Variants in MAP3K4 observed in about 807,000 individuals in gnomAD.
MAP3K4 encodes mitogen-activated protein kinase kinase kinase 4, also known as MAP three kinase 1.
MAP3K4 carries 67 observed loss-of-function variants against 185.6 expected under a neutral mutation model. The ratio of observed to expected loss-of-function variants is 0.36; its 90% CI spans 0.30 to 0.44. The LOEUF (loss-of-function observed/expected upper bound fraction) is 0.44. Among genes scored for constraint, MAP3K4 ranks in the 20% least tolerant of loss-of-function variants. The probability of loss-of-function intolerance (pLI) is 1.00; values close to 1 mark genes in which losing one functional copy is unlikely to be tolerated. For synonymous variants in MAP3K4, 702 were observed against 710.4 expected (o/e 0.99, Z 0.19); for missense variants, 1,551 against 1,995.1 (o/e 0.78, Z 4.24).
At chr6:161,027,990 C>T (rs1782751509) in intron 1 of MAP3K4, among the ~76,000 whole-genome samples, 1 of 152,210 alleles carries the variant, frequency 6.6e-6, no homozygotes, top group Non-Finnish European at 1.5e-5. Context: ...CTAAGTTGGG[C>T]TCCTTACCTG....
In MAP3K4 at chr6:161,063,996, G is replaced by A. The variant is rs979630193; in HGVS notation, c.1708-6612G>A. ...CACCCCTTTTCATCTAGTTTTGTTG[G>A]AGGTTTGTCTCACAGAGTTTTGGTT... On this transcript the variant is annotated intron_variant, in intron 3 of 26. Coordinates refer to ENST00000392142, the MANE Select transcript of MAP3K4 (RefSeq NM_005922.4). The surrounding 1 kb of genome is among the most constrained non-coding windows in gnomAD (Gnocchi z 5.4). 2.3e-4 allele frequency among the ~76,000 whole-genome samples: 35 copies of A among 152,082 alleles called. No homozygotes were observed. The highest frequency in any genetic ancestry group is 6.6e-5 in the Admixed American group (1 of 15,260).
chr6:161,003,885 AAG>A (rs1781449686), intron 1 of MAP3K4, among the ~76,000 whole-genome samples: 1 of 151,982 alleles, frequency 6.6e-6, no homozygotes, highest in African/African-American at 2.4e-5. Context: ...ATTTTCAAGA[AAG>A]AGTGGCTATT....
rs1024718288 is a variant in MAP3K4, at chr6:161,083,782, T to C, written c.2256-719T>C. Among the ~76,000 whole-genome samples the C allele has an allele frequency of 5.3e-5, 8 of 152,258 alleles. 1 individual carries two copies. Among genetic ancestry groups the C allele is most frequent in the Non-Finnish European group, 1.0e-4 (7 of 68,050 alleles). On this transcript the variant is annotated intron_variant, in intron 6 of 26. Coordinates refer to ENST00000392142, the MANE Select transcript of MAP3K4 (RefSeq NM_005922.4). ...TTCTGCATTTGCCTGCAAGGCCCAT[T>C]GCAGGGCTTTCTGGACATGAAGCCA...
Position 161,101,830 on chromosome 6 carries a change from G to T in MAP3K4, c.3675-62G>T, listed in dbSNP as rs758427917. On this transcript the variant is annotated intron_variant, in intron 17 of 26. Transcript: ENST00000392142. The surrounding 1 kb of genome is among the most constrained non-coding windows in gnomAD (Gnocchi z 5.1). ...AGAATTATTGCTCTAGAAAAATCTC[G>T]CAGATCTTTCATTTTAAGTTCTATT... 6.4e-6 allele frequency: 9 copies of T among 1,396,562 alleles called. No individual in the cohort carries two copies. The highest frequency in any genetic ancestry group is 1.8e-5 in the Admixed American group (1 of 56,692). 86.5% of individuals were successfully genotyped at this position (1,396,562 alleles called of 1,614,324 possible).
intron 1 of MAP3K4, among the ~76,000 whole-genome samples, chr6:161,028,827 C>A (rs1782791119): frequency 6.6e-6 from 1 of 152,138 alleles, no homozygotes; most frequent in Non-Finnish European, 1.5e-5. Context: ...CGAGGTTTGA[C>A]CGTTCACCTG....
At chr6:161,055,422 A>G (rs113277600) in intron 3 of MAP3K4, among the ~76,000 whole-genome samples, 3 of 152,344 alleles carry the variant, frequency 2.0e-5, no homozygotes, top group African/African-American at 7.2e-5. Flanking sequence ...ATAATATCAG[A>G]TTGATAGAAA....
At chr6:160,992,534 TCTC>T (rs979260974) in intron 1 of MAP3K4, among the ~76,000 whole-genome samples, 36 of 152,136 alleles carry the variant, frequency 2.4e-4, no homozygotes, top group Admixed American at 2.4e-3. Flanking sequence ...TTCCCCGCGT[TCTC>T]CTCCTCCTCT....
In MAP3K4 at chr6:161,073,403, AT is replaced by A; in HGVS notation, c.1951-62del. 4.8e-6 allele frequency: 7 copies of A among 1,463,260 alleles called. No homozygotes were observed. Among genetic ancestry groups the A allele is most frequent in the Non-Finnish European group, 6.4e-6 (7 of 1,101,092 alleles). 90.6% of individuals were successfully genotyped at this position (1,463,260 alleles called of 1,614,324 possible). On this transcript the variant is annotated intron_variant, in intron 4 of 26. Coordinates refer to ENST00000392142, the MANE Select transcript of MAP3K4 (RefSeq NM_005922.4). The surrounding 1 kb of genome is among the most constrained non-coding windows in gnomAD (Gnocchi z 4.2). ...TTTTTGAAGATTTAAGTAGGAAGATATAAAACACGGATCGTCTGGTTGGAGT... is the reference window on the plus strand; with the variant it reads ...TTTTTGAAGATTTAAGTAGGAAGATAAAAACACGGATCGTCTGGTTGGAGT...
In MAP3K4 at chr6:161,098,535, T is replaced by G. The variant is rs1777683196; in HGVS notation, c.3674+108T>G. 5.1e-6 allele frequency: 7 copies of G among 1,378,384 alleles called. No homozygotes were observed. In the South Asian group the frequency reaches 8.9e-5, roughly 18 times the overall value. 85.4% of individuals were successfully genotyped at this position (1,378,384 alleles called of 1,614,324 possible). A position where few individuals can be genotyped will look rare whatever the true frequency, so the allele number is the denominator to read the frequency against. ...CGGCTGTGGTTGGGCTTCTTTGCTGTGGCGTGTGAGTGATGCTCTAGGGCC... is the reference window on the plus strand; with the variant it reads ...CGGCTGTGGTTGGGCTTCTTTGCTGGGGCGTGTGAGTGATGCTCTAGGGCC... On this transcript the variant is annotated intron_variant, in intron 17 of 26. Transcript: ENST00000392142. The surrounding 1 kb of genome is among the most constrained non-coding windows in gnomAD (Gnocchi z 4.4).
intron 1 of MAP3K4, among the ~76,000 whole-genome samples, chr6:161,027,799 T>C (rs1023506367): frequency 3.3e-5 from 5 of 152,232 alleles, no homozygotes; most frequent in African/African-American, 7.2e-5. Flanking sequence ...AAAAACCATT[T>C]ATTAGCTGTC....
At chr6:161,041,796 G>C (rs1396999432) in intron 2 of MAP3K4, among the ~76,000 whole-genome samples, 1 of 152,086 alleles carries the variant, frequency 6.6e-6, no homozygotes, top group Non-Finnish European at 1.5e-5. Flanking sequence ...GCAGAAACTG[G>C]TATCTCCACT....
In MAP3K4 at chr6:161,087,822, C is replaced by G. The variant is rs139546038; in HGVS notation, c.2691C>G (p.Ile897Met). The change falls in exon 10 of 27, where the codon ATC becomes ATG. Residue 897 changes from isoleucine to methionine, a missense_variant. Ile to Met is a conservative substitution (Grantham distance 10). This residue lies in a region of MAP3K4 where 261 missense variants were observed against 306.5 expected (regional missense o/e 0.85). Transcript: ENST00000392142. This position sits in a 1 kb window ranked among gnomAD's most constrained non-coding sequence, Gnocchi z 4.9. ...CAAAAGATTCAGATGACGTACTCAT[C>G]GATGCCTATCTGCTTCTGACCAAGC... ...DCSKDSDDVL[I>M]DAYLLLTKHG... 1 of 1,614,136 alleles carries G rather than the reference C, an allele frequency of 6.2e-7. No individual in the cohort carries two copies. The highest frequency in any genetic ancestry group is 1.3e-5 in the African/African-American group (1 of 75,034).
chr6:161,026,776 T>C (rs1782693589), intron 1 of MAP3K4, among the ~76,000 whole-genome samples: 1 of 144,120 alleles, frequency 6.9e-6, no homozygotes, highest in African/African-American at 2.6e-5. Flanking sequence ...CATTGGAAAG[T>C]CTGGTTAACC....
At chr6:161,058,448 C>T (rs1167781754) in intron 3 of MAP3K4, among the ~76,000 whole-genome samples, 1 of 152,050 alleles carries the variant, frequency 6.6e-6, no homozygotes, top group East Asian at 1.9e-4. Context: ...GATAGGATCC[C>T]AGTATAGAAT....
chr6:161,097,251 A>G lies in MAP3K4; in HGVS notation c.3524+75A>G, dbSNP rs1173223637. ...GCATGCTCATACTTTTGAAACTACT[A>G]GATGCTTGCTCTGAGAGCTAAATAC... is the stretch of plus-strand genomic sequence containing the variant. On this transcript the variant is annotated intron_variant, in intron 16 of 26. Coordinates refer to ENST00000392142, the MANE Select transcript of MAP3K4 (RefSeq NM_005922.4). The surrounding 1 kb of genome is among the most constrained non-coding windows in gnomAD (Gnocchi z 4.9). 3 of 1,238,420 alleles carry G rather than the reference A, an allele frequency of 2.4e-6. No homozygotes were observed. The highest frequency in any genetic ancestry group is 1.9e-4 in the Middle Eastern group (1 of 5,302). 76.7% of individuals were successfully genotyped at this position (1,238,420 alleles called of 1,614,324 possible). A position where few individuals can be genotyped will look rare whatever the true frequency, so the allele number is the denominator to read the frequency against.
At position 161,086,364 on chromosome 6, in the gene MAP3K4, G is replaced by C. The variant is rs1328877918; in HGVS notation, c.2373-15G>C. 2 of 1,547,790 alleles carry C rather than the reference G, an allele frequency of 1.3e-6. No individual in the cohort carries two copies. Among genetic ancestry groups the C allele is most frequent in the South Asian group, 2.3e-5 (2 of 87,698 alleles). ...TCCCTAATGTGTTCTAACTGGACTTGAATCCACTTGGCAGGAGGTCTGTTA... is the reference window on the plus strand; with the variant it reads ...TCCCTAATGTGTTCTAACTGGACTTCAATCCACTTGGCAGGAGGTCTGTTA... On this transcript the variant is annotated splice_polypyrimidine_tract_variant and intron_variant, in intron 7 of 26. Coordinates refer to ENST00000392142, the MANE Select transcript of MAP3K4 (RefSeq NM_005922.4). This position sits in a 1 kb window ranked among gnomAD's most constrained non-coding sequence, Gnocchi z 4.8.
intron 2 of MAP3K4, among the ~76,000 whole-genome samples, chr6:161,045,698 A>AT (rs1250041291): frequency 6.6e-6 from 1 of 152,132 alleles, no homozygotes; most frequent in Non-Finnish European, 1.5e-5. Flanking sequence ...GAAAAGTAAT[A>AT]TTTTTTCACT....
Position 161,112,099 on chromosome 6 carries a change from C to A in MAP3K4, c.4519+141C>A. ...AGTCGTGAGAAGGACCACTTCCTCACACACTTGGGCTCCCACGCAAGAGCA... is the reference window on the plus strand; with the variant it reads ...AGTCGTGAGAAGGACCACTTCCTCAAACACTTGGGCTCCCACGCAAGAGCA... On this transcript the variant is annotated intron_variant, in intron 24 of 26. Coordinates refer to ENST00000392142, the MANE Select transcript of MAP3K4 (RefSeq NM_005922.4). The surrounding 1 kb of genome is among the most constrained non-coding windows in gnomAD (Gnocchi z 5.1). 2 of 1,066,808 alleles carry A rather than the reference C, an allele frequency of 1.9e-6. No individual in the cohort carries two copies. The highest frequency in any genetic ancestry group is 2.6e-6 in the Non-Finnish European group (2 of 758,330). The allele number at this position is 1,066,808 out of a possible 1,614,324, so 66.1% of individuals were successfully genotyped here.
In MAP3K4 at chr6:161,107,048, G is replaced by GCACACACACACACA. The variant is rs1168768049; in HGVS notation, c.4048+344_4048+345insACACACACACACAC. Among the ~76,000 whole-genome samples, 2 of 141,002 alleles carry GCACACACACACACA rather than the reference G, an allele frequency of 1.4e-5. No homozygotes were observed. Among genetic ancestry groups the GCACACACACACACA allele is most frequent in the African/African-American group, 5.1e-5 (2 of 39,218 alleles). The allele number at this position is 141,002 out of a possible 152,430, so 92.5% of individuals were successfully genotyped here. On this transcript the variant is annotated intron_variant, in intron 20 of 26. Transcript: ENST00000392142. The surrounding 1 kb of genome is among the most constrained non-coding windows in gnomAD (Gnocchi z 6.2). ...TCTCTCTCTCTCTCTACACACGCGC[G>GCACACACACACACA]CGCACACACACACACACACACACAC...
Sources: gnomAD v4.1 joint callset for allele counts (sites outside exome capture counted in the v4.1 genomes callset) on GRCh38, gnomAD v4.1.1 for gene constraint, gnomAD v4.1.1 regional missense constraint, Gnocchi (gnomAD v3.1) non-coding constraint, MANE v1.5 for transcripts, NCBI Gene and HGNC (gene_info 2026-07-23, HGNC 2026-07-21) for gene names.